QTGAL: variants seen among roughly 807,000 people sequenced by gnomAD.
QTGAL encodes the protein BGnT-like protein 1.
chr17:82,943,891 G>T, the QTGAL span: 1 of 152,302 alleles, frequency 6.6e-6, no homozygotes, highest in African/African-American at 2.4e-5. Context: ...AGGGTCCTGG[G>T]TGACCAGGCC....
At chr17:83,031,393 G>C in the QTGAL span, among the ~76,000 whole-genome samples, 96 of 148,902 alleles carry the variant, frequency 6.4e-4, no homozygotes, top group Non-Finnish European at 1.3e-3. Flanking sequence ...TAAACTCAGC[G>C]ACGGCCGCCA....
chr17:82,984,248 A>G, the QTGAL span, among the ~76,000 whole-genome samples: 4 of 60,830 alleles, frequency 6.6e-5, no homozygotes, highest in Non-Finnish European at 1.2e-4. Flanking sequence ...GTGAGCACAC[A>G]GGAGGCCATA....
the QTGAL span, among the ~76,000 whole-genome samples, chr17:83,024,448 G>A: frequency 2.6e-5 from 4 of 152,388 alleles, no homozygotes; most frequent in South Asian, 2.1e-4. Flanking sequence ...AGACAGGCGC[G>A]GACGTGGCCA....
chr17:83,014,371 C>T, the QTGAL span: 2 of 1,456,350 alleles, frequency 1.4e-6, no homozygotes, highest in Non-Finnish European at 9.5e-7. Flanking sequence ...ATTCTTTCCA[C>T]CCCTAGGAAA....
chr17:82,961,637 G>C, the QTGAL span, among the ~76,000 whole-genome samples: 3 of 152,232 alleles, frequency 2.0e-5, no homozygotes, highest in Admixed American at 6.5e-5. Flanking sequence ...TGCTGGGTGG[G>C]CGTGTGGGGC....
chr17:82,974,574 T>A, the QTGAL span, among the ~76,000 whole-genome samples: 1 of 152,038 alleles, frequency 6.6e-6, no homozygotes, highest in South Asian at 2.1e-4. Flanking sequence ...CCCATCCTGA[T>A]CATATTTGCG....
At chr17:83,027,207 G>A in the QTGAL span, among the ~76,000 whole-genome samples, 2 of 152,142 alleles carry the variant, frequency 1.3e-5, no homozygotes, top group East Asian at 3.9e-4. Context: ...GCAGGGCAGG[G>A]AGCCTGCAGA....
chr17:82,983,173 G>C, the QTGAL span, among the ~76,000 whole-genome samples: 3 of 152,120 alleles, frequency 2.0e-5, no homozygotes. Flanking sequence ...CCAGCTACTC[G>C]GGAGGCTGGG....
chr17:82,976,329 A>G, the QTGAL span, among the ~76,000 whole-genome samples: 1 of 82,422 alleles, frequency 1.2e-5, no homozygotes, highest in Non-Finnish European at 2.3e-5. Context: ...CTTATGGGGA[A>G]CGAGGGCCCC....
At chr17:83,030,214 T>C in the QTGAL span, among the ~76,000 whole-genome samples, 1 of 152,212 alleles carries the variant, frequency 6.6e-6, no homozygotes, top group Non-Finnish European at 1.5e-5. Context: ...TAGGGTTTTA[T>C]ATTCAAACCT....
chr17:82,969,040 AG>A, the QTGAL span, among the ~76,000 whole-genome samples: 1 of 151,674 alleles, frequency 6.6e-6, no homozygotes, highest in Admixed American at 6.6e-5. Flanking sequence ...AGGCTGAGGC[AG>A]GAGAATCGCT....
chr17:82,964,642 G>T, the QTGAL span, among the ~76,000 whole-genome samples: 1 of 143,300 alleles, frequency 7.0e-6, no homozygotes. Flanking sequence ...GGGGAGGACG[G>T]GGACACGGAC....
the QTGAL span, among the ~76,000 whole-genome samples, chr17:82,965,200 C>CG: frequency 5.7e-5 from 8 of 139,472 alleles, no homozygotes; most frequent in East Asian, 2.2e-4. Context: ...TGCACTCCCA[C>CG]GGGGGGGACG....
At chr17:83,016,955 C>T in the QTGAL span, among the ~76,000 whole-genome samples, 4 of 152,328 alleles carry the variant, frequency 2.6e-5, no homozygotes, top group African/African-American at 4.8e-5. Context: ...ACCTAATCCC[C>T]GATGCCCCAA....
the QTGAL span, among the ~76,000 whole-genome samples, chr17:82,980,004 CAT>C: frequency 3.9e-3 from 599 of 152,258 alleles, 2 homozygotes; most frequent in Non-Finnish European, 6.7e-3. Flanking sequence ...AGTGTAGAAA[CAT>C]GTGGGCATTC....
At chr17:82,969,472 G>T in the QTGAL span, among the ~76,000 whole-genome samples, 36 of 152,154 alleles carry the variant, frequency 2.4e-4, no homozygotes, top group Admixed American at 8.5e-4. Flanking sequence ...GCCTCCCAAA[G>T]TGCTGGGATT....
At chr17:82,946,173 AAAT>A in the QTGAL span, among the ~76,000 whole-genome samples, 31 of 152,350 alleles carry the variant, frequency 2.0e-4, no homozygotes, top group Non-Finnish European at 4.0e-4. Flanking sequence ...CAAGAATAAA[AAAT>A]ACACTATCAA....
the QTGAL span, among the ~76,000 whole-genome samples, chr17:82,952,326 G>A: frequency 2.2e-3 from 342 of 152,286 alleles, 4 homozygotes; most frequent in African/African-American, 7.5e-3. Flanking sequence ...CAACAGTACC[G>A]CTTGGGGCCT....
At chr17:83,039,130 G>A in the QTGAL span, among the ~76,000 whole-genome samples, 1 of 151,008 alleles carries the variant, frequency 6.6e-6, no homozygotes, top group African/African-American at 2.4e-5. Flanking sequence ...CCATCCCAGG[G>A]CAGAACAGGC....
Sources: gnomAD v4.1 joint callset for allele counts (sites outside exome capture counted in the v4.1 genomes callset) on GRCh38, gnomAD v4.1.1 for gene constraint, MANE v1.5 for transcripts, NCBI Gene and HGNC (gene_info 2026-07-23, HGNC 2026-07-21) for gene names.